The following DENND2A variants were observed in gnomAD, a reference collection of about 807,000 sequenced individuals.
The protein encoded by DENND2A is DENN domain-containing protein 2A.
In DENND2A, 53 loss-of-function variants were observed where a neutral mutation model predicts 105.3. The observed-to-expected ratio is 0.50, with a 90% CI of 0.40 to 0.63. The LOEUF is 0.63. DENND2A is among the 30% of genes least tolerant of loss of function. DENND2A has a pLI of 0.00. For missense variants in DENND2A, 1,138 were observed against 1,279.6 expected (o/e 0.89, Z 1.69); for synonymous variants, 522 against 508.4 (o/e 1.03, Z -0.36).
At chr7:140,609,502 G>A (rs1363484690) in intron 1 of DENND2A, among the ~76,000 whole-genome samples, 1 of 152,138 alleles carries the variant, frequency 6.6e-6, no homozygotes, top group Admixed American at 6.6e-5. Flanking sequence ...AACAGAGTGA[G>A]ACTCTTTTTT....
chr7:140,641,327 A>C (rs1219870187), upstream of DENND2A: 1 of 152,564 alleles, frequency 6.6e-6, no homozygotes, highest in Non-Finnish European at 1.5e-5. Flanking sequence ...AAGGGCTCCC[A>C]GACCGGGCGG....
chr7:140,565,998 C>A (rs1797819349), intron 9 of DENND2A, among the ~76,000 whole-genome samples: 1 of 152,166 alleles, frequency 6.6e-6, no homozygotes, highest in Non-Finnish European at 1.5e-5. Context: ...CCTTGTTTAG[C>A]ATATAATCAA....
chr7:140,638,110 A>G (rs1204383473), intron 1 of DENND2A, among the ~76,000 whole-genome samples: 1 of 152,162 alleles, frequency 6.6e-6, no homozygotes, highest in Non-Finnish European at 1.5e-5. Flanking sequence ...GTCTTTACAT[A>G]AAGTTCCACA....
At chr7:140,641,068 G>A (rs1801187576), upstream of DENND2A, among the ~76,000 whole-genome samples, 1 of 152,176 alleles carries the variant, frequency 6.6e-6, no homozygotes, top group Admixed American at 6.5e-5. Flanking sequence ...GATTCGCGAG[G>A]TGCTTCCGGC....
At chr7:140,588,374 C>T (rs1254656662) in intron 3 of DENND2A, among the ~76,000 whole-genome samples, 1 of 151,964 alleles carries the variant, frequency 6.6e-6, no homozygotes. Flanking sequence ...GAAAAGGGGG[C>T]CGGGAGCAGT....
intron 1 of DENND2A, among the ~76,000 whole-genome samples, chr7:140,630,976 T>A (rs1040585940): frequency 3.3e-5 from 5 of 152,194 alleles, no homozygotes; most frequent in African/African-American, 1.2e-4. Context: ...GGGGGAGAGT[T>A]AGTGGTCCTG....
intron 12 of DENND2A, among the ~76,000 whole-genome samples, chr7:140,547,447 C>T (rs901463846): frequency 6.6e-6 from 1 of 152,078 alleles, no homozygotes; most frequent in Non-Finnish European, 1.5e-5. Flanking sequence ...ACTTCACACC[C>T]GTTAGGATGA....
In DENND2A at chr7:140,527,348, C is replaced by T. The variant is rs1418380883; in HGVS notation, c.2475G>A (p.Leu825=). 6.3e-7 allele frequency: 1 copy of T among 1,596,756 alleles called. No homozygotes were observed. Residue 825 remains leucine, a synonymous_variant, in exon 15 of 20, where the codon CTG becomes CTA. Coordinates refer to ENST00000496613, the MANE Select transcript of DENND2A (RefSeq NM_015689.5). This position sits in a 1 kb window ranked among gnomAD's most constrained non-coding sequence, Gnocchi z 4.9. Reference sequence around the variant, plus strand: ...CCAGCGGCAGCTCCCTGAGCAGTGGCAGCGAGCTGGAGAGCAGCCCGATGA... The same window carrying T: ...CCAGCGGCAGCTCCCTGAGCAGTGGTAGCGAGCTGGAGAGCAGCCCGATGA... ...PFLIGLLSSS[L]PLLRELPLEE...
chr7:140,555,524 A>G (rs1797324168), intron 12 of DENND2A, 112 bp downstream of exon 12: 1 of 862,792 alleles, frequency 1.2e-6, no homozygotes, highest in Non-Finnish European at 1.9e-6. Flanking sequence ...TGGGAAGGGA[A>G]GTAGGTAGAG....
At chr7:140,615,160 C>T (rs959603393) in intron 1 of DENND2A, among the ~76,000 whole-genome samples, 2 of 152,308 alleles carry the variant, frequency 1.3e-5, no homozygotes, top group South Asian at 4.1e-4. Flanking sequence ...AGCCACTGCA[C>T]CTAGCCAATG....
In DENND2A at chr7:140,544,692, G is replaced by A. The variant is rs778248524; in HGVS notation, c.2253C>T (p.Ser751=). 3.7e-6 allele frequency: 6 copies of A among 1,613,724 alleles called. No homozygotes were observed. Among genetic ancestry groups the A allele is most frequent in the South Asian group, 2.2e-5 (2 of 90,984 alleles). The change falls in exon 14 of 20, where the codon AGC becomes AGT. Residue 751 remains serine, a synonymous_variant. Coordinates refer to ENST00000496613, the MANE Select transcript of DENND2A (RefSeq NM_015689.5). ...VDFESLFSSL[S]VRHLVCVFAS... ...CAAACACACAGACCAGGTGGCGGAC[G>A]CTGAGGGAGGAGAAGAGAGACTCAA...
intron 1 of DENND2A, among the ~76,000 whole-genome samples, chr7:140,617,727 C>A (rs1036964568): frequency 3.9e-5 from 6 of 152,110 alleles, no homozygotes; most frequent in Non-Finnish European, 7.4e-5. Flanking sequence ...ACAACAACAA[C>A]AAAAACAACT....
In DENND2A at chr7:140,522,045, G is replaced by C. The variant is rs377365858; in HGVS notation, c.2721C>G (p.Phe907Leu). Residue 907 changes from phenylalanine to leucine, a missense_variant, in exon 18 of 20, where the codon TTC becomes TTG. By Grantham distance (22) the Phe-to-Leu change is conservative. This residue lies in a region of DENND2A where 627 missense variants were observed against 779.8 expected (regional missense o/e 0.80). Coordinates refer to ENST00000496613, the MANE Select transcript of DENND2A (RefSeq NM_015689.5). ...AAGAGTAGTGTCCCACAATCTCCAC[G>C]AAGAAGCGGACAAAGGCTTCAGACA... ...EVVSEAFVRFFVEIVGHYSLF... is the reference protein window; with the variant it reads ...EVVSEAFVRFLVEIVGHYSLF... 6.2e-7 allele frequency: 1 copy of C among 1,614,172 alleles called. No individual in the cohort carries two copies. The highest frequency in any genetic ancestry group is 8.5e-7 in the Non-Finnish European group (1 of 1,180,036).
At chr7:140,569,987 T>C (rs773144325) in intron 6 of DENND2A, among the ~76,000 whole-genome samples, 80 of 152,212 alleles carry the variant, frequency 5.3e-4, no homozygotes, top group Non-Finnish European at 8.8e-4. Context: ...CTCTAACTTC[T>C]GGGTTCAAGA....
At chr7:140,614,473 C>T (rs1182324277) in intron 1 of DENND2A, among the ~76,000 whole-genome samples, 2 of 152,122 alleles carry the variant, frequency 1.3e-5, no homozygotes, top group East Asian at 3.9e-4. Flanking sequence ...GCAAAATAAA[C>T]CTCTAAATTA....
intron 1 of DENND2A, among the ~76,000 whole-genome samples, chr7:140,607,824 T>C (rs1368018352): frequency 6.6e-6 from 1 of 152,158 alleles, no homozygotes; most frequent in Non-Finnish European, 1.5e-5. Context: ...CCTTGTTCCA[T>C]ATGAGCCAGC....
At chr7:140,577,887 C>T (rs181100205) in intron 5 of DENND2A, among the ~76,000 whole-genome samples, 1 of 152,094 alleles carries the variant, frequency 6.6e-6, no homozygotes, top group African/African-American at 2.4e-5. Context: ...TTGTCACACC[C>T]AGAACTATGG....
intron 1 of DENND2A, among the ~76,000 whole-genome samples, chr7:140,639,459 C>G (rs190770237): frequency 3.9e-5 from 6 of 152,132 alleles, no homozygotes; most frequent in African/African-American, 4.8e-5. Context: ...CACACACACA[C>G]TCGCACACTC....
At chr7:140,543,384 G>A (rs1004583933) in intron 14 of DENND2A, among the ~76,000 whole-genome samples, 3 of 148,608 alleles carry the variant, frequency 2.0e-5, no homozygotes, top group African/African-American at 7.5e-5. Context: ...GTCCTTCCAC[G>A]TCAGCCTCCT....
Sources: allele counts gnomAD v4.1 joint callset (sites outside exome capture counted in the v4.1 genomes callset), GRCh38; gene constraint gnomAD v4.1.1; regional missense constraint gnomAD v4.1.1; non-coding constraint Gnocchi (gnomAD v3.1); transcripts MANE v1.5; gene names NCBI Gene and HGNC (gene_info 2026-07-23, HGNC 2026-07-21).